The following CEP55 variants were observed in gnomAD, a reference collection of about 807,000 sequenced individuals.
CEP55 encodes the protein centrosomal protein of 55 kDa.
A neutral mutation model predicts 63.2 loss-of-function variants in CEP55; 57 were observed. The ratio of observed to expected loss-of-function variants is 0.90; its 90% CI spans 0.73 to 1.13. The LOEUF is 1.13. CEP55 is among the 50% of genes most tolerant of loss of function. The pLI is 0.00. For synonymous variants in CEP55, 178 were observed against 191.6 expected (o/e 0.93, Z 0.59); for missense variants, 456 against 518.9 (o/e 0.88, Z 1.18).
intron 5 of CEP55, 80 bp from the exon 6 acceptor site, chr10:93,516,855 T>A (rs2057808096): frequency 1.0e-6 from 1 of 975,464 alleles, no homozygotes; most frequent in South Asian, 1.7e-5. Context: ...GTGTGATTCA[T>A]TTAGATGTTT....
rs1589661195 is a variant in CEP55, at chr10:93,525,726, T to G, written c.1192-2224T>G. Reference sequence around the variant, plus strand: ...AGTAACCAAAACAGCATGGTACTGGTACCAAAACAGAGATATAGACCAATG... The same window carrying G: ...AGTAACCAAAACAGCATGGTACTGGGACCAAAACAGAGATATAGACCAATG... On this transcript the variant is annotated intron_variant, in intron 8 of 8. Coordinates refer to ENST00000371485, the MANE Select transcript of CEP55 (RefSeq NM_018131.5). 2.6e-5 allele frequency among the ~76,000 whole-genome samples: 4 copies of G among 152,080 alleles called. No individual in the cohort carries two copies. In the South Asian group the frequency reaches 8.3e-4, roughly 32 times the overall value.
intron 8 of CEP55, among the ~76,000 whole-genome samples, chr10:93,521,878 G>A (rs761370363): frequency 2.1e-4 from 32 of 152,222 alleles, no homozygotes; most frequent in Non-Finnish European, 2.9e-4. Context: ...ACCTGCATCT[G>A]AGGGTCCTGA....
In CEP55 at chr10:93,515,546, G is replaced by A. The variant is rs1308818295; in HGVS notation, c.670G>A (p.Glu224Lys). ...ACTCCCACAGCAGACAAAAAAGCCTGAATCAGAAGGTACTGACTGGTATAA... is the reference window on the plus strand; with the variant it reads ...ACTCCCACAGCAGACAAAAAAGCCTAAATCAGAAGGTACTGACTGGTATAA... ...HSLPQQTKKP[E>K]SEGYLQEEKQ... Residue 224 changes from glutamate to lysine, a missense_variant, in exon 5 of 9, where the codon GAA becomes AAA. Physicochemically the swap from Glu to Lys is moderately conservative, Grantham distance 56. Transcript: ENST00000371485. 1 of 1,612,784 alleles carries A rather than the reference G, an allele frequency of 6.2e-7. No individual in the cohort carries two copies. The highest frequency in any genetic ancestry group is 1.7e-5 in the Admixed American group (1 of 59,946).
At chr10:93,507,899 G>A (rs543323462) in intron 4 of CEP55, among the ~76,000 whole-genome samples, 61 of 152,228 alleles carry the variant, frequency 4.0e-4, no homozygotes, top group African/African-American at 1.4e-3. Context: ...TGCCTGCCTC[G>A]GCCTCCCAGA....
At chr10:93,521,882 G>A (rs535235185) in intron 8 of CEP55, among the ~76,000 whole-genome samples, 3 of 152,334 alleles carry the variant, frequency 2.0e-5, no homozygotes, top group South Asian at 2.1e-4. Context: ...GCATCTGAGG[G>A]TCCTGACTGT....
At chr10:93,511,327 A>G (rs2134472415) in intron 4 of CEP55, among the ~76,000 whole-genome samples, 1 of 152,280 alleles carries the variant, frequency 6.6e-6, no homozygotes, top group Admixed American at 6.5e-5. Context: ...TAACAAACGT[A>G]TAGATGACAC....
intron 2 of CEP55, among the ~76,000 whole-genome samples, chr10:93,502,153 TC>T (rs11318183): frequency 0.2 from 30,286 of 152,138 alleles, 3,112 homozygotes; most frequent in East Asian, 0.28. Context: ...TTTAGTTTAT[TC>T]ATATCCCTCC....
At chr10:93,524,924 T>C (rs914240849) in intron 8 of CEP55, among the ~76,000 whole-genome samples, 1 of 152,054 alleles carries the variant, frequency 6.6e-6, no homozygotes, top group Non-Finnish European at 1.5e-5. Context: ...AAATTAGGTA[T>C]TGATGGGACA....
intron 2 of CEP55, among the ~76,000 whole-genome samples, chr10:93,501,735 C>T (rs9633698): frequency 0.15 from 22,264 of 152,064 alleles, 2,369 homozygotes; most frequent in East Asian, 0.58. Context: ...TATTTAAATT[C>T]TCTAAACAGG....
chr10:93,527,955 G>T lies in CEP55; in HGVS notation c.1197G>T (p.Gln399His), dbSNP rs2057941079. ...NQITQLESLKQLHEFAITEPL... is the reference protein window; with the variant it reads ...NQITQLESLKHLHEFAITEPL... ...ATTTGAAACTTATTTTTCAGAAACA[G>T]CTTCATGAGTTTGCCATCACAGAGC... Residue 399 changes from glutamine (Q) to histidine (H), a missense_variant, in exon 9 of 9, where the codon CAG (glutamine) becomes CAT (histidine). Coordinates refer to ENST00000371485, the MANE Select transcript of CEP55 (RefSeq NM_018131.5). 6 of 1,612,556 alleles carry T rather than the reference G, an allele frequency of 3.7e-6. No individual in the cohort carries two copies. The highest frequency in any genetic ancestry group is 2.5e-6 in the Non-Finnish European group (3 of 1,179,548).
chr10:93,522,466 G>A (rs1477448954), intron 8 of CEP55, among the ~76,000 whole-genome samples: 2 of 152,224 alleles, frequency 1.3e-5, no homozygotes, highest in Non-Finnish European at 2.9e-5. Context: ...TCTGACTGGT[G>A]TACCTGAAAG....
At chr10:93,510,565 A>G (rs1346740370) in intron 4 of CEP55, 2 of 152,098 alleles carry the variant, frequency 1.3e-5, no homozygotes, top group Non-Finnish European at 2.9e-5. Context: ...AGCCGTTTAA[A>G]CCCATATACT....
chr10:93,519,573 G>C lies in CEP55; in HGVS notation c.1066-109G>C. 13 of 1,236,900 alleles carry C rather than the reference G, an allele frequency of 1.1e-5. No homozygotes were observed. In the South Asian group the frequency reaches 1.9e-4, roughly 18 times the overall value. 76.6% of individuals were successfully genotyped at this position (1,236,900 alleles called of 1,614,324 possible). A position where few individuals can be genotyped will look rare whatever the true frequency, so the allele number is the denominator to read the frequency against. On this transcript the variant is annotated intron_variant, in intron 7 of 8. Transcript: ENST00000371485. ...TGCTTAGGTGAATTCTTGCTACGAT[G>C]GTACAATAAATATTTTCTTCATGTG...
chr10:93,522,061 T>G (rs867782082), intron 8 of CEP55, among the ~76,000 whole-genome samples: 2 of 152,228 alleles, frequency 1.3e-5, no homozygotes, highest in Middle Eastern at 6.8e-3. Flanking sequence ...GGAACGCAGC[T>G]CCTCACCAGC....
intron 8 of CEP55, 122 bp downstream of exon 8, chr10:93,519,929 A>T (rs1182087579): frequency 1.9e-6 from 2 of 1,063,000 alleles, no homozygotes; most frequent in African/African-American, 3.1e-5. Flanking sequence ...CAGTAGGTAG[A>T]GCCTCTGCCT....
At chr10:93,512,249 G>C (rs973888352) in intron 4 of CEP55, among the ~76,000 whole-genome samples, 1 of 130,122 alleles carries the variant, frequency 7.7e-6, no homozygotes, top group African/African-American at 2.8e-5. Context: ...AATTGGCCGG[G>C]CTCAGTGGCT....
intron 2 of CEP55, among the ~76,000 whole-genome samples, chr10:93,502,370 A>G (rs908023102): frequency 6.6e-6 from 1 of 152,146 alleles, no homozygotes; most frequent in Non-Finnish European, 1.5e-5. Context: ...ATGAATAACC[A>G]TGCCCCTAAA....
At chr10:93,521,760 A>G (rs2057865985) in intron 8 of CEP55, among the ~76,000 whole-genome samples, 1 of 152,166 alleles carries the variant, frequency 6.6e-6, no homozygotes, top group Non-Finnish European at 1.5e-5. Context: ...CCAGAGGAGC[A>G]ATCAGGCAGC....
intron 4 of CEP55, among the ~76,000 whole-genome samples, chr10:93,507,634 T>A (rs1466358383): frequency 6.6e-6 from 1 of 152,104 alleles, no homozygotes; most frequent in Non-Finnish European, 1.5e-5. Context: ...ATCATTTTAT[T>A]GTTTCTTGTT....
Sources: allele counts gnomAD v4.1 joint callset (sites outside exome capture counted in the v4.1 genomes callset), GRCh38; gene constraint gnomAD v4.1.1; transcripts MANE v1.5; gene names NCBI Gene and HGNC (gene_info 2026-07-23, HGNC 2026-07-21).